CDH23: variants seen among roughly 807,000 people sequenced by gnomAD.
CDH23 encodes the protein cadherin-23.
Under a neutral mutation model 317.1 loss-of-function variants are expected in CDH23, and 189 were observed. The ratio of observed to expected loss-of-function variants is 0.60; its 90% CI spans 0.53 to 0.67. The LOEUF is 0.67. Among genes scored for constraint, CDH23 ranks in the 30% least tolerant of loss-of-function variants. The pLI is 0.00. For missense variants in CDH23, 4,401 were observed against 4,592.4 expected, an observed-to-expected ratio of 0.96 and a Z score of 1.20; for synonymous variants, 1,839 against 1,876.8, an observed-to-expected ratio of 0.98 and a Z score of 0.52.
intron 48 of CDH23, 27 bp from the exon 49 acceptor site, chr10:71,797,077 C>T (rs1841423723): frequency 6.6e-7 from 1 of 1,517,084 alleles, no homozygotes; most frequent in African/African-American, 1.4e-5. Context: ...TCTTCTCAGG[C>T]TGAACCTGGC....
At chr10:71,529,777 A>T (rs567639230) in intron 6 of CDH23, among the ~76,000 whole-genome samples, 13 of 151,868 alleles carry the variant, frequency 8.6e-5, no homozygotes, top group Admixed American at 5.9e-4. Context: ...CCTGAGCCCT[A>T]CAAGCCCAAG....
chr10:71,784,974 G>A lies in CDH23; in HGVS notation c.5586G>A (p.Glu1862=). The A allele has an allele frequency of 1.2e-6, 2 of 1,614,052 alleles. No homozygotes were observed. Among genetic ancestry groups the A allele is most frequent in the Non-Finnish European group, 1.7e-6 (2 of 1,179,892 alleles). ...LNLPMNITIS[E]NSPVSSFVAH... is the part of the protein sequence containing the mutation. ...TGCCCATGAACATCACCATCAGCGA[G>A]AACAGCCCTGTCTCCAGCTTTGTCG... is the stretch of plus-strand genomic sequence containing the variant. The change falls in exon 43 of 70, where the codon GAG becomes GAA. Residue 1862 remains glutamate (E), a synonymous_variant. Coordinates refer to ENST00000224721, the MANE Select transcript of CDH23 (RefSeq NM_022124.6).
At chr10:71,737,534 C>T (rs1278031600) in intron 34 of CDH23, among the ~76,000 whole-genome samples, 1 of 152,244 alleles carries the variant, frequency 6.6e-6, no homozygotes, top group Non-Finnish European at 1.5e-5. Flanking sequence ...CTGCAGCATG[C>T]ACAGGCTTAG....
chr10:71,571,526 G>A (rs1188548791), intron 8 of CDH23, among the ~76,000 whole-genome samples: 1 of 152,220 alleles, frequency 6.6e-6, no homozygotes, highest in Non-Finnish European at 1.5e-5. Context: ...ACCCATGGGT[G>A]TCTTAGAGGA....
intron 9 of CDH23, among the ~76,000 whole-genome samples, chr10:71,585,492 T>C (rs548531354): frequency 6.6e-6 from 1 of 152,306 alleles, no homozygotes; most frequent in South Asian, 2.1e-4. Context: ...AAAGTGCAGG[T>C]TTAGCCCATT....
intron 38 of CDH23, among the ~76,000 whole-genome samples, chr10:71,742,422 C>T (rs994471769): frequency 6.6e-6 from 1 of 152,232 alleles, no homozygotes; most frequent in African/African-American, 2.4e-5. Flanking sequence ...CTGTGGTTCA[C>T]ACTAACGCTC....
At chr10:71,604,098 T>C (rs987428664) in intron 9 of CDH23, among the ~76,000 whole-genome samples, 2 of 152,104 alleles carry the variant, frequency 1.3e-5, no homozygotes, top group East Asian at 1.9e-4. Context: ...GCCTCTGTTT[T>C]CTCACCTGTA....
chr10:71,576,427 T>C (rs1589225562), intron 8 of CDH23, among the ~76,000 whole-genome samples: 1 of 149,494 alleles, frequency 6.7e-6, no homozygotes, highest in South Asian at 2.1e-4. Context: ...CTGGGTGGAG[T>C]TAGAGGAGGG....
In CDH23 at chr10:71,658,703, C is replaced by T. The variant is rs556803580; in HGVS notation, c.1449+12086C>T. Among the ~76,000 whole-genome samples, 480 of 152,262 alleles carry T rather than the reference C, an allele frequency of 3.2e-3. 5 individuals carry two copies. Among genetic ancestry groups the T allele is most frequent in the African/African-American group, 0.011 (447 of 41,556 alleles). ...CCATTGTGTAGAAGAAGCTGGGGCC[C>T]GGAGAGGTGAGCGGCGTGTCCCAGG... On this transcript the variant is annotated intron_variant, in intron 14 of 69. Transcript: ENST00000224721.
chr10:71,404,070 C>T (rs924638029), intron 1 of CDH23, among the ~76,000 whole-genome samples: 41 of 152,222 alleles, frequency 2.7e-4, no homozygotes, highest in African/African-American at 8.4e-4. Flanking sequence ...CCAGCCTGGG[C>T]GGCAGAGCAA....
intron 6 of CDH23, among the ~76,000 whole-genome samples, chr10:71,542,853 C>A (rs575894594): frequency 1.3e-5 from 2 of 152,354 alleles, no homozygotes; most frequent in East Asian, 3.9e-4. Flanking sequence ...TGAGCGGGTT[C>A]TTCGAGGCTC....
intron 48 of CDH23, chr10:71,796,095 A>G (rs1206195132): frequency 1.0e-6 from 1 of 986,336 alleles, no homozygotes; most frequent in South Asian, 4.7e-5. Context: ...TGACTACCCC[A>G]TGGCTGGGGA....
At chr10:71,533,837 C>G (rs1050016342) in intron 6 of CDH23, among the ~76,000 whole-genome samples, 1 of 151,878 alleles carries the variant, frequency 6.6e-6, no homozygotes, top group Admixed American at 6.6e-5. Context: ...TCCCCCAGCC[C>G]GCTCTCATTA....
chr10:71,530,168 C>T (rs1023150172), intron 6 of CDH23, among the ~76,000 whole-genome samples: 1 of 152,166 alleles, frequency 6.6e-6, no homozygotes. Context: ...CTCCTAGGAG[C>T]CCGGGCTGGT....
At chr10:71,529,530 T>C (rs1487163792) in intron 6 of CDH23, among the ~76,000 whole-genome samples, 1 of 152,182 alleles carries the variant, frequency 6.6e-6, no homozygotes, top group Non-Finnish European at 1.5e-5. Flanking sequence ...AGCTTTGCAC[T>C]CATAGGGTAG....
At chr10:71,701,953 C>T in intron 22 of CDH23, 69 bp from the exon 23 acceptor site, 4 of 1,537,532 alleles carry the variant, frequency 2.6e-6, no homozygotes, top group Admixed American at 1.8e-5. Flanking sequence ...AGCTCAGATA[C>T]TCCCGGCCAG....
chr10:71,587,399 T>C (rs1254719488), intron 9 of CDH23, among the ~76,000 whole-genome samples: 1 of 152,214 alleles, frequency 6.6e-6, no homozygotes, highest in Non-Finnish European at 1.5e-5. Flanking sequence ...GGCTACTGTG[T>C]GCCAAGCTCC....
intron 60 of CDH23, among the ~76,000 whole-genome samples, chr10:71,809,058 C>T (rs1229654228): frequency 1.3e-5 from 2 of 151,902 alleles, no homozygotes; most frequent in Middle Eastern, 3.2e-3. Flanking sequence ...CTTGAGGTCA[C>T]GCAGCTAGAA....
chr10:71,703,103 C>A (rs1457886996), intron 24 of CDH23, among the ~76,000 whole-genome samples: 1 of 152,106 alleles, frequency 6.6e-6, no homozygotes. Flanking sequence ...AGTAGAGGGG[C>A]CTCTGTCTAC....
Sources: gnomAD v4.1 joint callset for allele counts (sites outside exome capture counted in the v4.1 genomes callset) on GRCh38, gnomAD v4.1.1 for gene constraint, MANE v1.5 for transcripts, NCBI Gene and HGNC (gene_info 2026-07-23, HGNC 2026-07-21) for gene names.